SLCO1B3: variants seen among roughly 807,000 people sequenced by gnomAD.
SLCO1B3 encodes the protein solute carrier organic anion transporter family member 1B3.
SLCO1B3 carries 72 observed loss-of-function variants against 71.8 expected under a neutral mutation model. That is an observed-to-expected ratio of 1.00 (90% CI 0.83 to 1.22). SLCO1B3 has a LOEUF of 1.22. Among genes scored for constraint, SLCO1B3 ranks in the 50% most tolerant of loss-of-function variants. The pLI, the probability that SLCO1B3 is intolerant of heterozygous loss-of-function variation, is 0.00. For synonymous variants in SLCO1B3, 298 were observed against 278.4 expected (o/e 1.07, Z -0.70); for missense variants, 911 against 819.7 (o/e 1.11, Z -1.36).
At chr12:20,859,549 C>T (rs1865212357) in intron 5 of SLCO1B3, among the ~76,000 whole-genome samples, 1 of 149,496 alleles carries the variant, frequency 6.7e-6, no homozygotes, top group Non-Finnish European at 1.5e-5. Flanking sequence ...CTCTAATACT[C>T]ATCATATTCC....
chr12:20,915,534 A>C (rs1866474291), intron 15 of SLCO1B3, among the ~76,000 whole-genome samples: 1 of 152,172 alleles, frequency 6.6e-6, no homozygotes, highest in South Asian at 2.1e-4. Flanking sequence ...ATTTTTCTTG[A>C]CAGCCAGACA....
At chr12:20,876,668 A>C (rs1318955484) in intron 9 of SLCO1B3, among the ~76,000 whole-genome samples, 1 of 152,098 alleles carries the variant, frequency 6.6e-6, no homozygotes, top group Non-Finnish European at 1.5e-5. Flanking sequence ...GAAATTGAAA[A>C]ATATCACAAA....
At chr12:20,825,787 A>G (rs1484364494) in intron 3 of SLCO1B3, among the ~76,000 whole-genome samples, 5 of 140,680 alleles carry the variant, frequency 3.6e-5, no homozygotes, top group African/African-American at 5.3e-5. Context: ...TGACAGAGCA[A>G]GACTCTGTCT....
chr12:20,877,979 T>G, intron 10 of SLCO1B3, 43 bp downstream of exon 10: 2 of 1,272,002 alleles, frequency 1.6e-6, no homozygotes, highest in African/African-American at 1.5e-5. Flanking sequence ...AATGAAACAC[T>G]GCTGAGTACT....
intron 12 of SLCO1B3, 117 bp downstream of exon 12, chr12:20,881,137 AG>A: frequency 1.4e-6 from 1 of 722,166 alleles, no homozygotes; most frequent in South Asian, 2.4e-5. Flanking sequence ...TAAAACAAAA[AG>A]ATTCCAGTAT....
At position 20,877,933 on chromosome 12, in the gene SLCO1B3, T is replaced by C. The variant is rs1377446386; in HGVS notation, c.1132T>C (p.Leu378=). 6.3e-7 allele frequency: 1 copy of C among 1,586,618 alleles called. No homozygotes were observed. The highest frequency in any genetic ancestry group is 8.6e-7 in the Non-Finnish European group (1 of 1,168,154). Reference sequence around the variant, plus strand: ...GTCTGCATCTCATGCTAACTTTTTGTTGGGTAAGACATATTTTTTACCTGT... The same window carrying C: ...GTCTGCATCTCATGCTAACTTTTTGCTGGGTAAGACATATTTTTTACCTGT... ...GQSASHANFL[L]GIITIPTVAT... Residue 378 remains leucine, a synonymous_variant, in exon 10 of 16, where the codon TTG becomes CTG. Coordinates refer to ENST00000381545, the MANE Select transcript of SLCO1B3 (RefSeq NM_019844.4).
At chr12:20,842,291 A>C (rs1010850116) in intron 3 of SLCO1B3, among the ~76,000 whole-genome samples, 5 of 152,154 alleles carry the variant, frequency 3.3e-5, no homozygotes, top group African/African-American at 1.2e-4. Context: ...TATTTTGACT[A>C]CTTGACCTAT....
At chr12:20,880,139 A>C (rs1865661564) in intron 11 of SLCO1B3, among the ~76,000 whole-genome samples, 1 of 16,960 alleles carries the variant, frequency 5.9e-5, no homozygotes, top group African/African-American at 7.5e-5. Flanking sequence ...AAAATCTTTA[A>C]GCTTAAACAT....
At chr12:20,884,580 G>C (rs1331577011) in intron 13 of SLCO1B3, among the ~76,000 whole-genome samples, 1 of 152,006 alleles carries the variant, frequency 6.6e-6, no homozygotes, top group Non-Finnish European at 1.5e-5. Context: ...GAGTTGAGGG[G>C]AAGCAGATAA....
chr12:20,858,018 C>T (rs545279740), intron 4 of SLCO1B3, among the ~76,000 whole-genome samples: 2 of 152,030 alleles, frequency 1.3e-5, no homozygotes, highest in Admixed American at 6.6e-5. Context: ...ACAAGTACCA[C>T]GATTTTTTTT....
intron 8 of SLCO1B3, among the ~76,000 whole-genome samples, chr12:20,874,933 T>C (rs1178667027): frequency 6.6e-6 from 1 of 152,114 alleles, no homozygotes; most frequent in African/African-American, 2.4e-5. Flanking sequence ...TCTGAGGAGT[T>C]AAATGTCCAA....
chr12:20,837,724 G>T (rs991062690), intron 3 of SLCO1B3, among the ~76,000 whole-genome samples: 1 of 151,920 alleles, frequency 6.6e-6, no homozygotes, highest in Non-Finnish European at 1.5e-5. Context: ...ATATTTTATG[G>T]CTTAGAATGT....
At chr12:20,899,502 G>A (rs867588514) in intron 14 of SLCO1B3, among the ~76,000 whole-genome samples, 8 of 152,092 alleles carry the variant, frequency 5.3e-5, no homozygotes, top group Non-Finnish European at 8.8e-5. Context: ...AAGTGTATTC[G>A]GTGAGAAGGT....
chr12:20,823,262 A>G (rs1864354665), intron 3 of SLCO1B3, among the ~76,000 whole-genome samples: 2 of 152,190 alleles, frequency 1.3e-5, no homozygotes, highest in Admixed American at 1.3e-4. Context: ...ATGGCTTAAG[A>G]AAATCACAGC....
At position 20,815,779 on chromosome 12, in the gene SLCO1B3, C is replaced by T; in HGVS notation, c.41C>T (p.Ala14Val). ...HQHLNKTAES[A>V]SSEKKKTRRC... ...CATTTGAATAAAACAGCAGAGTCAG[C>T]ATCTTCAGAGAAAAAGAAAACAAGA... Residue 14 changes from alanine to valine, a missense_variant, in exon 3 of 16, where the codon GCA becomes GTA. By Grantham distance (64) the Ala-to-Val change is moderately conservative (BLOSUM62 0). Transcript: ENST00000381545. 1 of 1,598,436 alleles carries T rather than the reference C, an allele frequency of 6.3e-7. No individual in the cohort carries two copies. The highest frequency in any genetic ancestry group is 8.5e-7 in the Non-Finnish European group (1 of 1,171,158).
chr12:20,859,495 C>CCCA (rs1158588959), intron 5 of SLCO1B3, among the ~76,000 whole-genome samples: 2 of 124,448 alleles, frequency 1.6e-5, no homozygotes, highest in Non-Finnish European at 3.7e-5. Flanking sequence ...TTTTTTCCCC[C>CCCA]TCTACATTTG....
rs1414423341 is a variant in SLCO1B3, at chr12:20,877,948, T to C, written c.1135+12T>C. On this transcript the variant is annotated intron_variant, in intron 10 of 15. Transcript: ENST00000381545. Reference sequence around the variant, plus strand: ...TAACTTTTTGTTGGGTAAGACATATTTTTTACCTGTTTGCTTGATAAATGA... The same window carrying C: ...TAACTTTTTGTTGGGTAAGACATATCTTTTACCTGTTTGCTTGATAAATGA... The C allele has an allele frequency of 1.3e-6, 2 of 1,557,560 alleles. No individual in the cohort carries two copies. Among genetic ancestry groups the C allele is most frequent in the Non-Finnish European group, 1.7e-6 (2 of 1,149,132 alleles).
At chr12:20,891,565 A>G (rs192622433) in intron 13 of SLCO1B3, among the ~76,000 whole-genome samples, 30 of 152,156 alleles carry the variant, frequency 2.0e-4, no homozygotes, top group Admixed American at 1.2e-3. Flanking sequence ...GGATGTCTGG[A>G]TCTGTAGTAA....
At chr12:20,909,216 A>C (rs1591793697) in intron 15 of SLCO1B3, among the ~76,000 whole-genome samples, 1 of 137,238 alleles carries the variant, frequency 7.3e-6, no homozygotes, top group Non-Finnish European at 1.5e-5. Context: ...CCCAGGCTGG[A>C]GTGCAGTGGC....
Sources: allele counts gnomAD v4.1 joint callset (sites outside exome capture counted in the v4.1 genomes callset), GRCh38; gene constraint gnomAD v4.1.1; transcripts MANE v1.5; gene names NCBI Gene and HGNC (gene_info 2026-07-23, HGNC 2026-07-21).